Variants in NSD3 observed in about 807,000 individuals in gnomAD.
NSD3 encodes nuclear receptor binding SET domain protein 3.
A neutral mutation model predicts 160.8 loss-of-function variants in NSD3; 24 were observed. That is an observed-to-expected ratio of 0.15 (90% confidence interval 0.11 to 0.21). NSD3 has a LOEUF of 0.21. Ranked by LOEUF, NSD3 falls within the 10% of genes least tolerant of loss-of-function variation. The pLI is 1.00. For missense variants in NSD3, 1,157 were observed against 1,735.9 expected, an observed-to-expected ratio of 0.67 and a Z score of 5.93; for synonymous variants, 520 against 600.0, an observed-to-expected ratio of 0.87 and a Z score of 1.95.
rs926737464 is a variant in NSD3, at chr8:38,292,808, C to CA, written c.2916-2132dup. On this transcript the variant is annotated intron_variant, in intron 16 of 23. Transcript: ENST00000317025. ...TGTCTCAAAAAAACAAACAAACAAACAAAAAAAACAAAGATTAGCCAGGCA... is the reference window on the plus strand; with the variant it reads ...TGTCTCAAAAAAACAAACAAACAAACAAAAAAAAACAAAGATTAGCCAGGCA... Among the ~76,000 whole-genome samples the CA allele has an allele frequency of 1.0e-3, 145 of 142,642 alleles. No individual in the cohort carries two copies. The South Asian group carries it at 0.02, about 19-fold the overall frequency. 93.6% of individuals were successfully genotyped at this position (142,642 alleles called of 152,430 possible).
In NSD3 at chr8:38,329,323, G is replaced by T; in HGVS notation, c.1581+55C>A. The T allele has an allele frequency of 6.4e-7, 1 of 1,561,232 alleles. No homozygotes were observed. ...CAAGGTCATTGTTTTAAATGCCAAGGTTGACCACTTTTAAAATACCATCCC... is the reference window on the plus strand; with the variant it reads ...CAAGGTCATTGTTTTAAATGCCAAGTTTGACCACTTTTAAAATACCATCCC... On this transcript the variant is annotated intron_variant, in intron 6 of 23. Coordinates refer to ENST00000317025, the MANE Select transcript of NSD3 (RefSeq NM_023034.2). This position sits in a 1 kb window ranked among gnomAD's most constrained non-coding sequence, Gnocchi z 4.8.
At chr8:38,282,133 T>A in intron 19 of NSD3, among the ~76,000 whole-genome samples, 1 of 152,234 alleles carries the variant, frequency 6.6e-6, no homozygotes, top group East Asian at 1.9e-4. Flanking sequence ...ATTGGTATAA[T>A]CCAGACTTTA....
chr8:38,314,751 G>A lies in NSD3; in HGVS notation c.2138C>T (p.Ser713Phe), dbSNP rs1456616250. The change falls in exon 12 of 24, where the codon TCT becomes TTT. Residue 713 changes from serine (S) to phenylalanine (F), a missense_variant. This residue lies in a region of NSD3 where 437 missense variants were observed against 576.6 expected (regional missense o/e 0.76). Transcript: ENST00000317025. ...GCACTCTCCCTCACAAGGAATCAGAGAGTCACCAGAGCTTTCACAAATCTG... is the reference window on the plus strand; with the variant it reads ...GCACTCTCCCTCACAAGGAATCAGAAAGTCACCAGAGCTTTCACAAATCTG... ...VCQICESSGD[S>F]LIPCEGECCK... 6.2e-7 allele frequency: 1 copy of A among 1,614,094 alleles called. No individual in the cohort carries two copies. The highest frequency in any genetic ancestry group is 8.5e-7 in the Non-Finnish European group (1 of 1,179,992).
At chr8:38,367,925 A>G (rs1563370527) in intron 1 of NSD3, among the ~76,000 whole-genome samples, 1 of 152,146 alleles carries the variant, frequency 6.6e-6, no homozygotes, top group Non-Finnish European at 1.5e-5. Context: ...GAGAAGTTGT[A>G]TGTTTTCTCT....
chr8:38,290,464 A>G lies in NSD3; in HGVS notation c.3118+11T>C, dbSNP rs367721057. On this transcript the variant is annotated intron_variant, in intron 17 of 23. Transcript: ENST00000317025. Reference sequence around the variant, plus strand: ...GTAGTTTTGAGTCACTGTAAACATCATCCAGCTTACCCTTTTTGAAGGTCT... The same window carrying G: ...GTAGTTTTGAGTCACTGTAAACATCGTCCAGCTTACCCTTTTTGAAGGTCT... 1.2e-6 allele frequency: 2 copies of G among 1,613,928 alleles called. No homozygotes were observed. The highest frequency in any genetic ancestry group is 4.5e-5 in the East Asian group (2 of 44,892).
At chr8:38,333,784 G>A (rs994205267) in intron 4 of NSD3, among the ~76,000 whole-genome samples, 6 of 152,020 alleles carry the variant, frequency 3.9e-5, no homozygotes, top group East Asian at 3.9e-4. Flanking sequence ...GGAGAATGGC[G>A]TGAACCCGGG....
At chr8:38,289,535 A>AGG (rs1563343590) in intron 17 of NSD3, 30 bp from the exon 18 acceptor site, 2 of 1,597,132 alleles carry the variant, frequency 1.3e-6, no homozygotes. Flanking sequence ...AAGTATGTAA[A>AGG]TACCAAAAAC....
rs1178018538 is a variant in NSD3, at chr8:38,288,849, G to A, written c.3232-93C>T. ...TCTAAAACATCCACGCTACTGCCTC[G>A]TGGTGCTACTCCGAGAAAGGTTGTC... On this transcript the variant is annotated intron_variant, in intron 18 of 23. Transcript: ENST00000317025. This position sits in a 1 kb window ranked among gnomAD's most constrained non-coding sequence, Gnocchi z 4.5. 7.4e-6 allele frequency: 11 copies of A among 1,480,230 alleles called. No homozygotes were observed. The Admixed American group carries it at 7.7e-5, about 10-fold the overall frequency. The allele number at this position is 1,480,230 out of a possible 1,614,324, so 91.7% of individuals were successfully genotyped here. A position where few individuals can be genotyped will look rare whatever the true frequency, so the allele number is the denominator to read the frequency against.
At chr8:38,337,043 C>T (rs11989357) in intron 4 of NSD3, among the ~76,000 whole-genome samples, 1 of 150,832 alleles carries the variant, frequency 6.6e-6, no homozygotes, top group East Asian at 2.0e-4. Flanking sequence ...TCCAGAGGCC[C>T]AGGCAGGAGA....
intron 1 of NSD3, among the ~76,000 whole-genome samples, chr8:38,367,443 G>A (rs1336758205): frequency 1.3e-5 from 2 of 152,152 alleles, no homozygotes; most frequent in African/African-American, 4.8e-5. Flanking sequence ...CAGGTGTGGT[G>A]GCTCATGCCT....
In NSD3 at chr8:38,315,559, T is replaced by A; in HGVS notation, c.1987-15A>T. On this transcript the variant is annotated splice_polypyrimidine_tract_variant and intron_variant, in intron 10 of 23. Transcript: ENST00000317025. Reference sequence around the variant, plus strand: ...CCAAAGCCTACCTACATAGAAAACATAGCATTTTTAAGAAAAACAAAATGA... The same window carrying A: ...CCAAAGCCTACCTACATAGAAAACAAAGCATTTTTAAGAAAAACAAAATGA... 6.2e-7 allele frequency: 1 copy of A among 1,611,404 alleles called. No homozygotes were observed. Among genetic ancestry groups the A allele is most frequent in the Non-Finnish European group, 8.5e-7 (1 of 1,179,340 alleles).
chr8:38,313,561 G>A (rs988694916), intron 12 of NSD3, among the ~76,000 whole-genome samples: 10 of 152,116 alleles, frequency 6.6e-5, no homozygotes, highest in Non-Finnish European at 2.9e-5. Context: ...GGCCAAGGCA[G>A]GCTGATCACG....
At chr8:38,375,964 G>A (rs887384421) in intron 1 of NSD3, among the ~76,000 whole-genome samples, 1 of 151,716 alleles carries the variant, frequency 6.6e-6, no homozygotes, top group Non-Finnish European at 1.5e-5. Flanking sequence ...AGATCCCAAT[G>A]AATAAGTAAC....
At chr8:38,338,512 A>G (rs1270911892) in intron 3 of NSD3, 24 bp downstream of exon 3, 2 of 1,592,018 alleles carry the variant, frequency 1.3e-6, no homozygotes, top group Non-Finnish European at 1.7e-6. Flanking sequence ...ATTTGGTTAG[A>G]CAGTATTCAG....
intron 1 of NSD3, among the ~76,000 whole-genome samples, chr8:38,381,051 T>TG (rs1215181249): frequency 3.3e-5 from 5 of 152,132 alleles, no homozygotes; most frequent in African/African-American, 1.2e-4. Context: ...TCTCTAGCCT[T>TG]GAAAGAAAGA....
At chr8:38,350,288 T>C (rs1810656252) in intron 1 of NSD3, among the ~76,000 whole-genome samples, 1 of 152,186 alleles carries the variant, frequency 6.6e-6, no homozygotes, top group African/African-American at 2.4e-5. Flanking sequence ...TTGAACTAGT[T>C]TGCAGTCCCA....
At chr8:38,346,294 T>C (rs1353105459) in intron 2 of NSD3, among the ~76,000 whole-genome samples, 2 of 147,634 alleles carry the variant, frequency 1.4e-5, no homozygotes, top group East Asian at 3.9e-4. Flanking sequence ...ATATATAGTA[T>C]ATAGTATATA....
chr8:38,345,203 G>C (rs1429773029), intron 2 of NSD3, among the ~76,000 whole-genome samples: 1 of 150,930 alleles, frequency 6.6e-6, no homozygotes, highest in East Asian at 2.0e-4. Flanking sequence ...AAGAAAGAAG[G>C]GGTGAGAGGG....
intron 15 of NSD3, among the ~76,000 whole-genome samples, chr8:38,296,382 A>G (rs1232348624): frequency 1.3e-5 from 2 of 152,346 alleles, no homozygotes; most frequent in East Asian, 3.9e-4. Context: ...ATTTTAATCC[A>G]GTGCCATGGT....
Sources: allele counts gnomAD v4.1 joint callset (sites outside exome capture counted in the v4.1 genomes callset), GRCh38; gene constraint gnomAD v4.1.1; regional missense constraint gnomAD v4.1.1; non-coding constraint Gnocchi (gnomAD v3.1); transcripts MANE v1.5; gene names NCBI Gene and HGNC (gene_info 2026-07-23, HGNC 2026-07-21).